Variants in CCNB3 observed in about 807,000 individuals in gnomAD.
The protein encoded by CCNB3 is G2/mitotic-specific cyclin-B3.
A neutral mutation model predicts 68.0 loss-of-function variants in CCNB3; 12 were observed. The ratio of observed to expected loss-of-function variants is 0.18; its 90% CI spans 0.11 to 0.29. The LOEUF is 0.29. Ranked by LOEUF, CCNB3 falls within the 10% of genes least tolerant of loss-of-function variation. CCNB3 has a pLI of 1.00. For missense variants in CCNB3, 904 were observed against 993.1 expected (o/e 0.91, Z 1.21); for synonymous variants, 354 against 388.9 (o/e 0.91, Z 1.06).
At chrX:50,342,038 A>T in intron 8 of CCNB3, 164 bp from the exon 9 acceptor site, 1 of 519,436 alleles carries the variant, frequency 1.9e-6, no homozygotes, top group Admixed American at 2.9e-5. Context: ...GGCACAGGAG[A>T]TATACACAGG....
In CCNB3 at chrX:50,305,399, G is replaced by C. The variant is rs1023799159; in HGVS notation, c.336-3106G>C. 7.2e-5 allele frequency among the ~76,000 whole-genome samples: 8 copies of C among 111,105 alleles called. No individual in the cohort carries two copies. The Admixed American group carries it at 7.7e-4, about 11-fold the overall frequency. ...AAACCACTGTTCTCAGCAAACTATC[G>C]CAAGGACAAGAAACCAAACACCGCA... On this transcript the variant is annotated intron_variant, in intron 5 of 12. Transcript: ENST00000376042.
At position 50,299,047 on chromosome X, in the gene CCNB3, C is replaced by T. The variant is rs782296293; in HGVS notation, c.335+4054C>T. Among the ~76,000 whole-genome samples the T allele has an allele frequency of 9.0e-5, 10 of 111,177 alleles. 1 individual carries two copies. In the East Asian group the frequency reaches 2.0e-3, roughly 22 times the overall value. On this transcript the variant is annotated intron_variant, in intron 5 of 12. Transcript: ENST00000376042. Reference sequence around the variant, plus strand: ...TTTTCTTCTTTATTATTCTTGCTAGCGGTCTATCAATTTTGTTGATCTTTT... The same window carrying T: ...TTTTCTTCTTTATTATTCTTGCTAGTGGTCTATCAATTTTGTTGATCTTTT...
chrX:50,304,296 G>T (rs1281089178), intron 5 of CCNB3, among the ~76,000 whole-genome samples: 4 of 111,339 alleles, frequency 3.6e-5, no homozygotes, highest in Non-Finnish European at 5.6e-5. Flanking sequence ...TCTTTTTCAA[G>T]ATTGTTTTGA....
chrX:50,340,451 G>T (rs1216348723), intron 8 of CCNB3, among the ~76,000 whole-genome samples: 1 of 112,348 alleles, frequency 8.9e-6, no homozygotes. Flanking sequence ...GAACCCAAGA[G>T]GTTGTGAGGA....
chrX:50,330,181 C>G (rs1922524075), intron 8 of CCNB3, among the ~76,000 whole-genome samples: 1 of 111,653 alleles, frequency 9.0e-6, no homozygotes, highest in Non-Finnish European at 1.9e-5. Context: ...GGGTCGTGAT[C>G]GATTGAGCAA....
In CCNB3 at chrX:50,309,990, G is replaced by A. The variant is rs782148307; in HGVS notation, c.1821G>A (p.Leu607=). The A allele has an allele frequency of 8.3e-7, 1 of 1,210,737 alleles. No individual in the cohort carries two copies. Among genetic ancestry groups the A allele is most frequent in the East Asian group, 3.0e-5 (1 of 33,796 alleles). The part of the protein sequence containing the change: ...KMSHLKKPLV[L]QKITSEEESF... ...CCCACTTAAAGAAGCCACTGGTCTT[G>A]CAGAAGATCACTTCTGAGGAGGAGT... is the stretch of plus-strand genomic sequence containing the variant. Residue 607 remains leucine (L), a synonymous_variant, in exon 6 of 13, where the codon TTG becomes TTA. Coordinates refer to ENST00000376042, the MANE Select transcript of CCNB3 (RefSeq NM_033031.3).
chrX:50,341,021 A>G (rs1315045172), intron 8 of CCNB3, among the ~76,000 whole-genome samples: 1 of 111,859 alleles, frequency 8.9e-6, no homozygotes, highest in African/African-American at 3.3e-5. Context: ...TTATAGCAAA[A>G]TTTTATTTAA....
intron 1 of CCNB3, among the ~76,000 whole-genome samples, chrX:50,221,296 T>C (rs1354630539): frequency 9.0e-6 from 1 of 111,619 alleles, no homozygotes; most frequent in Non-Finnish European, 1.9e-5. Context: ...TGATCTTAGT[T>C]ATTTCTTGTC....
chrX:50,203,060 C>T (rs1449252855), upstream of CCNB3, among the ~76,000 whole-genome samples: 3 of 111,437 alleles, frequency 2.7e-5, no homozygotes, highest in African/African-American at 9.8e-5. Context: ...TTAGGTTTGC[C>T]TTTAATAGCC....
chrX:50,328,521 A>C (rs1557217617), intron 8 of CCNB3, among the ~76,000 whole-genome samples: 5 of 111,579 alleles, frequency 4.5e-5, no homozygotes, highest in Admixed American at 3.8e-4. Context: ...GCCATGAGGG[A>C]TCTGTCCTCA....
At chrX:50,227,703 A>AAT (rs1203275531) in intron 1 of CCNB3, among the ~76,000 whole-genome samples, 3 of 95,389 alleles carry the variant, frequency 3.1e-5, no homozygotes, top group East Asian at 6.2e-4. Context: ...ATATAGAGAG[A>AAT]ATATATATAT....
chrX:50,339,777 C>A (rs991035181), intron 8 of CCNB3, among the ~76,000 whole-genome samples: 5 of 111,113 alleles, frequency 4.5e-5, no homozygotes, highest in Non-Finnish European at 5.7e-5. Context: ...TGTCACATGG[C>A]AAAAGCAGGG....
chrX:50,203,742 TA>T (rs1327162492), upstream of CCNB3, among the ~76,000 whole-genome samples: 1 of 111,830 alleles, frequency 8.9e-6, no homozygotes, highest in Non-Finnish European at 1.9e-5. Flanking sequence ...AACATTATCA[TA>T]AAAAAATTTC....
chrX:50,309,776 A>G lies in CCNB3; in HGVS notation c.1607A>G (p.Lys536Arg). The change falls in exon 6 of 13, where the codon AAG (lysine) becomes AGG (arginine). Residue 536 changes from lysine (K) to arginine (R), a missense_variant. Physicochemically the swap from Lys to Arg is conservative, Grantham distance 26. Around this residue, in one of 2 missense-constraint regions of CCNB3, gnomAD observed 619 missense variants for 609.8 expected, o/e 1.02. Transcript: ENST00000376042. Reference sequence around the variant, plus strand: ...GAAGAAAAAGTGTCTTTAAAGAAAAAGTGTACCACACAAGAGATGATGTCC... The same window carrying G: ...GAAGAAAAAGTGTCTTTAAAGAAAAGGTGTACCACACAAGAGATGATGTCC... ...FKEEKVSLKK[K>R]CTTQEMMSIC... The G allele has an allele frequency of 1.7e-6, 2 of 1,210,514 alleles. No homozygotes were observed. The highest frequency in any genetic ancestry group is 2.2e-6 in the Non-Finnish European group (2 of 894,816).
chrX:50,351,848 T>TA lies in CCNB3; in HGVS notation c.*146dup, dbSNP rs1923702903. 2.4e-6 allele frequency: 1 copy of TA among 410,414 alleles called. No homozygotes were observed. Among genetic ancestry groups the TA allele is most frequent in the East Asian group, 4.1e-5 (1 of 24,155 alleles). The allele number at this position is 410,414 out of a possible 1,213,427, so 33.8% of individuals were successfully genotyped here. ...TATAAATATTTATGTTGCTTGTTTT[T>TA]ATGAAAGAAAAAATATTGTCATATT... On this transcript the variant is annotated 3_prime_UTR_variant, in exon 13 of 13. Transcript: ENST00000376042.
chrX:50,298,343 G>T (rs1270930155), intron 5 of CCNB3, among the ~76,000 whole-genome samples: 4 of 111,414 alleles, frequency 3.6e-5, no homozygotes, highest in Admixed American at 1.9e-4. Flanking sequence ...TAGCATGAAG[G>T]GTTGTTGAAT....
intron 5 of CCNB3, among the ~76,000 whole-genome samples, chrX:50,304,832 C>A (rs1367727443): frequency 2.7e-5 from 3 of 111,741 alleles, no homozygotes; most frequent in African/African-American, 9.8e-5. Context: ...ACCCCATCAA[C>A]AAGTAGGCGA....
intron 3 of CCNB3, among the ~76,000 whole-genome samples, chrX:50,287,351 C>T (rs981386859): frequency 4.5e-5 from 5 of 111,147 alleles, no homozygotes; most frequent in African/African-American, 1.6e-4. Context: ...TTCCCCGGCC[C>T]CTCCTTTATA....
At chrX:50,281,477 G>C (rs1344960967) in intron 1 of CCNB3, among the ~76,000 whole-genome samples, 1 of 111,395 alleles carries the variant, frequency 9.0e-6, no homozygotes, top group South Asian at 3.9e-4. Flanking sequence ...TGGCTCCAGC[G>C]TCCGGCTCTG....
Sources: allele counts gnomAD v4.1 joint callset (sites outside exome capture counted in the v4.1 genomes callset), GRCh38; gene constraint gnomAD v4.1.1; regional missense constraint gnomAD v4.1.1; transcripts MANE v1.5; gene names NCBI Gene and HGNC (gene_info 2026-07-23, HGNC 2026-07-21).